Variants in SRSF3 observed in about 807,000 individuals in gnomAD.
SRSF3 encodes serine/arginine-rich splicing factor 3.
For missense variants in SRSF3, 58 were observed against 217.1 expected (o/e 0.27, Z 4.61); for synonymous variants, 87 against 73.6 (o/e 1.18, Z -0.93).
chr6:36,599,878 C>T (rs1347979276), intron 3 of SRSF3: 1 of 1,352,154 alleles, frequency 7.4e-7, no homozygotes, highest in Non-Finnish European at 9.8e-7. Context: ...AGTCAACTAG[C>T]CCTTTCAGCG....
Position 36,603,910 on chromosome 6 carries a change from A to G in SRSF3, c.*1921A>G. 4.4e-6 allele frequency: 1 copy of G among 227,144 alleles called. No individual in the cohort carries two copies. Among genetic ancestry groups the G allele is most frequent in the Non-Finnish European group, 8.7e-6 (1 of 115,128 alleles). 14.1% of individuals were successfully genotyped at this position (227,144 alleles called of 1,614,324 possible). The stretch of plus-strand genomic sequence containing the variant: ...TTCTGTAAAAAGGACAGTTACGGGT[A>G]TAATATGGCTAAGAGAAATAATACA... On this transcript the variant is annotated 3_prime_UTR_variant, in exon 6 of 6. Coordinates refer to ENST00000373715, the MANE Select transcript of SRSF3 (RefSeq NM_003017.5).
At chr6:36,596,081 T>G (rs1352224956) in intron 1 of SRSF3, among the ~76,000 whole-genome samples, 1 of 151,964 alleles carries the variant, frequency 6.6e-6, no homozygotes, top group Non-Finnish European at 1.5e-5. Flanking sequence ...TGCGCCACCA[T>G]GCCCGGCTAA....
rs371142920 is a variant in SRSF3, at chr6:36,597,394, CTG to C, written c.206+429_206+430del. Among the ~76,000 whole-genome samples the C allele has an allele frequency of 8.1e-4, 124 of 152,320 alleles. No homozygotes were observed. The East Asian group carries it at 0.016, about 20-fold the overall frequency. The stretch of plus-strand genomic sequence containing the variant: ...GTGCTGGAATTACAGGTGGGAGCCA[CTG>C]TGCCCAGCCAGGATCAAATATTTTT... On this transcript the variant is annotated intron_variant, in intron 2 of 5. Coordinates refer to ENST00000373715, the MANE Select transcript of SRSF3 (RefSeq NM_003017.5).
At chr6:36,598,790 C>T (rs1778672570) in intron 2 of SRSF3, 59 bp from the exon 3 acceptor site, 2 of 1,590,004 alleles carry the variant, frequency 1.3e-6, no homozygotes, top group East Asian at 4.5e-5. Flanking sequence ...GTACTTTTGG[C>T]TTTAATACGC....
chr6:36,597,319 T>C (rs1475759859), intron 2 of SRSF3: 2 of 261,312 alleles, frequency 7.7e-6, no homozygotes, highest in African/African-American at 4.6e-5. Flanking sequence ...TTGGCCAGGC[T>C]GGTCTCGAAC....
At chr6:36,599,677 T>C in intron 3 of SRSF3, 1 of 595,612 alleles carries the variant, frequency 1.7e-6, no homozygotes, top group Non-Finnish European at 2.8e-6. Flanking sequence ...TTGCCCCTTT[T>C]GCTATTTTGA....
Position 36,597,417 on chromosome 6 carries a change from T to C in SRSF3, c.206+449T>C, listed in dbSNP as rs56749747. 5.1e-3 allele frequency among the ~76,000 whole-genome samples: 770 copies of C among 152,318 alleles called. 6 individuals are homozygous for C. Among genetic ancestry groups the C allele is most frequent in the African/African-American group, 0.011 (474 of 41,574 alleles). On this transcript the variant is annotated intron_variant, in intron 2 of 5. Transcript: ENST00000373715. ...CACTGTGCCCAGCCAGGATCAAATA[T>C]TTTTAAGAGTAGTTGTGAACTGATC...
chr6:36,601,374 AAAGGATCTGTCACC>A, intron 4 of SRSF3, 184 bp downstream of exon 4: 1 of 647,836 alleles, frequency 1.5e-6, no homozygotes. Flanking sequence ...ATTTTTTAAA[AAAGGATCTGTCACC>A]CAGGCTGGAG....
intron 3 of SRSF3, chr6:36,600,730 T>A (rs1021445045): frequency 1.3e-5 from 2 of 157,040 alleles, no homozygotes; most frequent in Non-Finnish European, 2.8e-5. Context: ...AAAATTACAC[T>A]ATCCACCTGG....
rs1187421910 is a variant in SRSF3 at position 36,603,460 on chromosome 6, C to T, written c.*1471C>T. 4.5e-6 allele frequency: 1 copy of T among 223,530 alleles called. No homozygotes were observed. Among genetic ancestry groups the T allele is most frequent in the Non-Finnish European group, 8.9e-6 (1 of 111,908 alleles). The allele number at this position is 223,530 out of a possible 1,614,324, so 13.8% of individuals were successfully genotyped here. A position where few individuals can be genotyped will look rare whatever the true frequency, so the allele number is the denominator to read the frequency against. On this transcript the variant is annotated 3_prime_UTR_variant, in exon 6 of 6. Coordinates refer to ENST00000373715, the MANE Select transcript of SRSF3 (RefSeq NM_003017.5). ...GTGGCTTAGTTTCCTTAAATATGCTCTTAAGATAGTTTTGGATTATGCGGT... is the reference window on the plus strand; with the variant it reads ...GTGGCTTAGTTTCCTTAAATATGCTTTTAAGATAGTTTTGGATTATGCGGT...
At position 36,601,049 on chromosome 6, in the gene SRSF3, G is replaced by A. The variant is rs1431672940; in HGVS notation, c.342-103G>A. 18 of 447,806 alleles carry A rather than the reference G, an allele frequency of 4.0e-5. No individual in the cohort carries two copies. In the East Asian group the frequency reaches 9.0e-4, roughly 22 times the overall value. The allele number at this position is 447,806 out of a possible 1,614,324, so 27.7% of individuals were successfully genotyped here. ...TTTGGACGATGGGTGCCAGTTCTTC[G>A]GCACATTCACTGGGCCCAACAGTGA... On this transcript the variant is annotated intron_variant, in intron 3 of 5. Transcript: ENST00000373715.
At chr6:36,601,930 G>GTTTTTT in intron 5 of SRSF3, 32 bp from the exon 6 acceptor site, 2 of 1,473,602 alleles carry the variant, frequency 1.4e-6, no homozygotes. Context: ...CAGATGTAAT[G>GTTTTTT]TTTTGTTTTC....
intron 3 of SRSF3, chr6:36,599,777 G>A (rs1490614614): frequency 3.1e-6 from 4 of 1,298,752 alleles, no homozygotes; most frequent in Middle Eastern, 4.3e-4. Flanking sequence ...CATTTTTTTT[G>A]TGCTTTTTGG....
intron 3 of SRSF3, 124 bp downstream of exon 3, chr6:36,599,107 T>C (rs899147833): frequency 1.9e-5 from 23 of 1,243,160 alleles, no homozygotes; most frequent in Non-Finnish European, 2.4e-5. Context: ...CTGTGAAACA[T>C]TTGTTGGGTG....
rs1491203593 is a variant in SRSF3 at position 36,601,938 on chromosome 6, TTC to T, written c.468-22_468-21del. 43 of 1,572,858 alleles carry T rather than the reference TTC, an allele frequency of 2.7e-5. No individual in the cohort carries two copies. The African/African-American group carries it at 5.0e-4, about 18-fold the overall frequency. On this transcript the variant is annotated intron_variant, in intron 5 of 5. Transcript: ENST00000373715. ...CAAGTTACAGATGTAATGTTTTGTT[TTC>T]TTTTTTTTTTTTTTTTTTTAGTCGA...
rs781134660 is a variant in SRSF3, at chr6:36,601,739, T to G, written c.412T>G (p.Ser138Ala). The change falls in exon 5 of 6, where the codon TCG (serine) becomes GCG (alanine). Residue 138 changes from serine to alanine, a missense_variant. Physicochemically the swap from Ser to Ala is moderately conservative, Grantham distance 99. Coordinates refer to ENST00000373715, the MANE Select transcript of SRSF3 (RefSeq NM_003017.5). ...SLSRDRRRER[S>A]LSRERNHKPS... ...TTCTAGAGATAGGAGAAGAGAGAGA[T>G]CGCTGTCTCGGGAGAGAAATCACAA... The G allele has an allele frequency of 6.2e-7, 1 of 1,609,394 alleles. No individual in the cohort carries two copies. Among genetic ancestry groups the G allele is most frequent in the Non-Finnish European group, 8.5e-7 (1 of 1,176,272 alleles).
In SRSF3 at chr6:36,597,164, G is replaced by A. The variant is rs1778644345; in HGVS notation, c.206+196G>A. On this transcript the variant is annotated intron_variant, in intron 2 of 5. Transcript: ENST00000373715. ...ACTGTCACTGGGCTGGAGTGCAGTG[G>A]TACAGTCTCCCGCTCCCCGCAACCT... 11 of 597,294 alleles carry A rather than the reference G, an allele frequency of 1.8e-5. No homozygotes were observed. The South Asian group carries it at 2.1e-4, about 11-fold the overall frequency. The allele number at this position is 597,294 out of a possible 1,614,324, so 37.0% of individuals were successfully genotyped here. A position where few individuals can be genotyped will look rare whatever the true frequency, so the allele number is the denominator to read the frequency against.
At chr6:36,595,956 G>C (rs1372017013) in intron 1 of SRSF3, among the ~76,000 whole-genome samples, 1 of 151,686 alleles carries the variant, frequency 6.6e-6, no homozygotes, top group East Asian at 1.9e-4. Context: ...ATGGAATCTC[G>C]CTCTGTCGCC....
chr6:36,599,203 G>C (rs1453124037), intron 3 of SRSF3, among the ~76,000 whole-genome samples: 1 of 152,078 alleles, frequency 6.6e-6, no homozygotes, highest in Non-Finnish European at 1.5e-5. Flanking sequence ...TTCTATCTTG[G>C]ATCTGTCTTC....
Sources: gnomAD v4.1 joint callset for allele counts (sites outside exome capture counted in the v4.1 genomes callset) on GRCh38, gnomAD v4.1.1 for gene constraint, MANE v1.5 for transcripts, NCBI Gene and HGNC (gene_info 2026-07-23, HGNC 2026-07-21) for gene names.